Variants in NTN1 observed in about 807,000 individuals in gnomAD.
NTN1 encodes netrin-1.
NTN1 carries 11 observed loss-of-function variants against 54.2 expected under a neutral mutation model. The ratio of observed to expected loss-of-function variants is 0.20; its 90% CI spans 0.13 to 0.34. The LOEUF is 0.34. Among genes scored for constraint, NTN1 ranks in the 10% least tolerant of loss-of-function variants. The probability of loss-of-function intolerance (pLI) is 1.00; values close to 1 mark genes in which losing one functional copy is unlikely to be tolerated. For missense variants in NTN1, 740 were observed against 893.1 expected (o/e 0.83, Z 2.18); for synonymous variants, 371 against 382.0 (o/e 0.97, Z 0.33).
chr17:9,077,730 C>A (rs2092055985), intron 2 of NTN1, among the ~76,000 whole-genome samples: 1 of 152,188 alleles, frequency 6.6e-6, no homozygotes, highest in Non-Finnish European at 1.5e-5. Flanking sequence ...TTGGAAGAAA[C>A]TTCAGACAAA....
At chr17:9,193,935 A>AAAAAAAAAAAAAAAAAAAC (rs1555574987) in intron 5 of NTN1, among the ~76,000 whole-genome samples, 8 of 123,604 alleles carry the variant, frequency 6.5e-5, no homozygotes, top group Non-Finnish European at 1.2e-4. Flanking sequence ...AAAAAAAAAA[A>AAAAAAAAAAAAAAAAAAAC]AAAAAAAAAC....
At chr17:9,066,944 T>C (rs901519672) in intron 2 of NTN1, among the ~76,000 whole-genome samples, 29 of 140,804 alleles carry the variant, frequency 2.1e-4, no homozygotes, top group African/African-American at 7.9e-4. Context: ...GAGGTTGCAG[T>C]GAGCCGAGAC....
At chr17:9,141,608 G>C (rs1440704991) in intron 2 of NTN1, among the ~76,000 whole-genome samples, 1 of 152,098 alleles carries the variant, frequency 6.6e-6, no homozygotes, top group Admixed American at 6.6e-5. Flanking sequence ...AGGGAGATGT[G>C]GGGTTGGAGG....
chr17:9,075,528 A>C (rs891422603), intron 2 of NTN1, among the ~76,000 whole-genome samples: 13 of 152,172 alleles, frequency 8.5e-5, no homozygotes, highest in African/African-American at 2.9e-4. Flanking sequence ...AATAAAAAAA[A>C]CTTAAATAAA....
chr17:9,169,089 G>A (rs1035754825), intron 3 of NTN1, among the ~76,000 whole-genome samples: 1 of 152,162 alleles, frequency 6.6e-6, no homozygotes, highest in Admixed American at 6.5e-5. Context: ...GGAGACATGA[G>A]CATCACAAAC....
At chr17:9,149,922 C>A (rs763755669) in intron 2 of NTN1, among the ~76,000 whole-genome samples, 10 of 150,756 alleles carry the variant, frequency 6.6e-5, no homozygotes, top group Non-Finnish European at 1.3e-4. Flanking sequence ...CAAAAATTAG[C>A]CAGGCATGGT....
At chr17:9,209,524 CAGCTGTGTGCACCTCCAGG>C (rs978992677) in intron 5 of NTN1, among the ~76,000 whole-genome samples, 3 of 152,194 alleles carry the variant, frequency 2.0e-5, no homozygotes, top group African/African-American at 7.2e-5. Context: ...GTGCATTGCA[CAGCTGTGTGCACCTCCAGG>C]AGCCTGCCTC....
chr17:9,124,652 G>A (rs983600256), intron 2 of NTN1, among the ~76,000 whole-genome samples: 7 of 152,290 alleles, frequency 4.6e-5, no homozygotes, highest in African/African-American at 1.4e-4. Context: ...TTAATTTACC[G>A]AGCACCTACC....
intron 2 of NTN1, among the ~76,000 whole-genome samples, chr17:9,058,425 T>C (rs1448330949): frequency 1.3e-5 from 2 of 152,128 alleles, no homozygotes; most frequent in Non-Finnish European, 2.9e-5. Flanking sequence ...TAGTGCATCC[T>C]ATTGAATGCC....
intron 3 of NTN1, among the ~76,000 whole-genome samples, chr17:9,178,515 G>C (rs2092408067): frequency 6.6e-6 from 1 of 152,236 alleles, no homozygotes; most frequent in Non-Finnish European, 1.5e-5. Context: ...GGCTGGGCTG[G>C]GAGAGGTCGT....
intron 2 of NTN1, among the ~76,000 whole-genome samples, chr17:9,115,495 G>A (rs563962524): frequency 8.5e-5 from 13 of 152,366 alleles, no homozygotes; most frequent in East Asian, 1.9e-4. Context: ...TCCACGTGAC[G>A]TTCCTGGAGC....
At chr17:9,106,130 T>A (rs942690520) in intron 2 of NTN1, among the ~76,000 whole-genome samples, 3 of 152,150 alleles carry the variant, frequency 2.0e-5, no homozygotes, top group Admixed American at 6.5e-5. Flanking sequence ...AAACCACACT[T>A]CCTGGTCCAG....
intron 6 of NTN1, among the ~76,000 whole-genome samples, chr17:9,238,043 C>T (rs558813673): frequency 5.9e-5 from 9 of 152,316 alleles, no homozygotes; most frequent in African/African-American, 2.2e-4. Flanking sequence ...ATTCAGTGCT[C>T]TCCTGCACTC....
chr17:9,072,884 T>C (rs1011808306), intron 2 of NTN1, among the ~76,000 whole-genome samples: 1 of 152,218 alleles, frequency 6.6e-6, no homozygotes, highest in African/African-American at 2.4e-5. Flanking sequence ...GATTTTCTTT[T>C]TCCTCTCATT....
intron 2 of NTN1, among the ~76,000 whole-genome samples, chr17:9,036,034 A>G (rs1259229971): frequency 2.6e-5 from 4 of 152,126 alleles, no homozygotes; most frequent in Admixed American, 1.3e-4. Flanking sequence ...AAAAGAAAAA[A>G]TTATTTGTAG....
chr17:9,239,987 G>C lies in NTN1; in HGVS notation c.*19G>C. ...GGCCTAGCGCCGAGGCAGCGGGCGGGCGGGCGGGCGGGCGCCAGGGCGGGG... is the reference window on the plus strand; with the variant it reads ...GGCCTAGCGCCGAGGCAGCGGGCGGCCGGGCGGGCGGGCGCCAGGGCGGGG... On this transcript the variant is annotated 3_prime_UTR_variant, in exon 7 of 7. Coordinates refer to ENST00000173229, the MANE Select transcript of NTN1 (RefSeq NM_004822.3). The surrounding 1 kb of genome is among the most constrained non-coding windows in gnomAD (Gnocchi z 5.2). 9 of 1,281,600 alleles carry C rather than the reference G, an allele frequency of 7.0e-6. No homozygotes were observed. Among genetic ancestry groups the C allele is most frequent in the East Asian group, 3.2e-5 (1 of 31,082 alleles). 79.4% of individuals were successfully genotyped at this position (1,281,600 alleles called of 1,614,324 possible). A position where few individuals can be genotyped will look rare whatever the true frequency, so the allele number is the denominator to read the frequency against.
intron 2 of NTN1, among the ~76,000 whole-genome samples, chr17:9,131,647 A>C (rs1016094936): frequency 6.9e-5 from 10 of 144,084 alleles, no homozygotes; most frequent in African/African-American, 2.1e-4. Context: ...ATGGTGTGAT[A>C]TTAGCTCACT....
chr17:9,108,449 G>A (rs1347378027), intron 2 of NTN1, among the ~76,000 whole-genome samples: 2 of 152,200 alleles, frequency 1.3e-5, no homozygotes, highest in Non-Finnish European at 2.9e-5. Flanking sequence ...AGTCTGGGGA[G>A]GGTTTTCGAC....
chr17:9,121,070 A>G (rs1436302178), intron 2 of NTN1, among the ~76,000 whole-genome samples: 1 of 152,146 alleles, frequency 6.6e-6, no homozygotes, highest in Non-Finnish European at 1.5e-5. Flanking sequence ...CCCTGTCTCA[A>G]TACAGGACTG....
Sources: allele counts gnomAD v4.1 joint callset (sites outside exome capture counted in the v4.1 genomes callset), GRCh38; gene constraint gnomAD v4.1.1; non-coding constraint Gnocchi (gnomAD v3.1); transcripts MANE v1.5; gene names NCBI Gene and HGNC (gene_info 2026-07-23, HGNC 2026-07-21).